Variants in NLGN4X observed in about 807,000 individuals in gnomAD.
The protein encoded by NLGN4X is neuroligin-4, X-linked.
A neutral mutation model predicts 40.3 loss-of-function variants in NLGN4X; 3 were observed. The observed-to-expected ratio is 0.07, with a 90% CI of 0.03 to 0.19. The LOEUF is 0.19. Among genes scored for constraint, NLGN4X ranks in the 10% least tolerant of loss-of-function variants. The pLI, the probability that NLGN4X is intolerant of heterozygous loss-of-function variation, is 1.00. For missense variants in NLGN4X, 382 were observed against 708.3 expected (o/e 0.54, Z 5.23); for synonymous variants, 270 against 306.8 (o/e 0.88, Z 1.25).
chrX:6,040,143 TTG>T (rs1569202166), intron 2 of NLGN4X, among the ~76,000 whole-genome samples: 1 of 111,096 alleles, frequency 9.0e-6, no homozygotes, highest in Non-Finnish European at 1.9e-5. Context: ...TCTCACTATG[TTG>T]TGCAGGCTAG....
chrX:6,225,442 A>G (rs140118250), intron 1 of NLGN4X, among the ~76,000 whole-genome samples: 1,496 of 109,509 alleles, frequency 0.014, 28 homozygotes, highest in African/African-American at 0.047. Context: ...TCCCCTAGGA[A>G]AAGGCTCAGT....
At chrX:6,119,860 A>T (rs2039383113) in intron 2 of NLGN4X, among the ~76,000 whole-genome samples, 1 of 111,535 alleles carries the variant, frequency 9.0e-6, no homozygotes, top group African/African-American at 3.3e-5. Context: ...GAATTAAGGT[A>T]CCATTATATT....
chrX:5,933,443 G>A (rs2033625637), intron 3 of NLGN4X, among the ~76,000 whole-genome samples: 1 of 111,599 alleles, frequency 9.0e-6, no homozygotes. Flanking sequence ...TCCCAGATCT[G>A]TCAATGAATT....
At chrX:6,163,154 T>C (rs1335116122) in intron 1 of NLGN4X, among the ~76,000 whole-genome samples, 1 of 112,188 alleles carries the variant, frequency 8.9e-6, no homozygotes, top group Non-Finnish European at 1.9e-5. Context: ...CCCAACCACA[T>C]GGAACTGTGA....
chrX:6,003,742 G>A (rs2036031009), intron 3 of NLGN4X, among the ~76,000 whole-genome samples: 2 of 111,685 alleles, frequency 1.8e-5, no homozygotes, highest in Non-Finnish European at 3.8e-5. Context: ...CCATGAGTGT[G>A]GGTGCAAAAG....
intron 2 of NLGN4X, among the ~76,000 whole-genome samples, chrX:6,118,772 C>T (rs2039356429): frequency 9.0e-6 from 1 of 111,486 alleles, no homozygotes; most frequent in Non-Finnish European, 1.9e-5. Flanking sequence ...ATATTCATCA[C>T]GGAAAAGCTA....
intron 1 of NLGN4X, among the ~76,000 whole-genome samples, chrX:6,188,523 CCTT>C (rs1272827950): frequency 1.8e-5 from 2 of 110,327 alleles, no homozygotes; most frequent in African/African-American, 3.3e-5. Context: ...CAAATACTGT[CCTT>C]TTTTTTTTTT....
intron 1 of NLGN4X, among the ~76,000 whole-genome samples, chrX:6,160,409 T>C (rs1220723433): frequency 1.8e-5 from 2 of 112,008 alleles, no homozygotes; most frequent in Non-Finnish European, 3.8e-5. Context: ...ACTGACTTTT[T>C]CCCAGAATTC....
At chrX:6,215,894 TGAGA>T (rs1224820634) in intron 1 of NLGN4X, among the ~76,000 whole-genome samples, 44 of 71,472 alleles carry the variant, frequency 6.2e-4, no homozygotes, top group African/African-American at 1.4e-3. Flanking sequence ...TTTTTTTTTT[TGAGA>T]GAGAGTCTTG....
intron 3 of NLGN4X, among the ~76,000 whole-genome samples, chrX:6,016,685 T>C (rs937326717): frequency 8.9e-6 from 1 of 111,860 alleles, no homozygotes; most frequent in African/African-American, 3.3e-5. Flanking sequence ...CATGGCACAA[T>C]TATTGAGAAC....
At chrX:6,102,677 C>CATACAT (rs1224051562) in intron 2 of NLGN4X, among the ~76,000 whole-genome samples, 176 of 64,668 alleles carry the variant, frequency 2.7e-3, no homozygotes, top group African/African-American at 9.7e-3. Context: ...CATACATAGA[C>CATACAT]AGATAGATAC....
chrX:5,941,131 C>CAA (rs5901305), intron 3 of NLGN4X, among the ~76,000 whole-genome samples: 2 of 50,784 alleles, frequency 3.9e-5, no homozygotes, highest in Admixed American at 2.5e-4. Flanking sequence ...CTCCCTCCTA[C>CAA]AAAAAAAAAA....
At chrX:6,012,080 T>C (rs1229354929) in intron 3 of NLGN4X, among the ~76,000 whole-genome samples, 2 of 112,508 alleles carry the variant, frequency 1.8e-5, no homozygotes, top group South Asian at 7.4e-4. Context: ...CATGCCCAAA[T>C]TGCAATTCCA....
intron 2 of NLGN4X, among the ~76,000 whole-genome samples, chrX:6,133,071 T>A (rs915509497): frequency 9.0e-6 from 1 of 111,370 alleles, no homozygotes; most frequent in African/African-American, 3.3e-5. Flanking sequence ...TAAATTATCA[T>A]CACAATAATT....
intron 1 of NLGN4X, among the ~76,000 whole-genome samples, chrX:6,160,698 T>C (rs1189064300): frequency 9.2e-6 from 1 of 108,805 alleles, no homozygotes; most frequent in Non-Finnish European, 1.9e-5. Flanking sequence ...ATTTTTTGTA[T>C]TTTTAGTAGA....
At chrX:5,918,726 A>G (rs780657408) in intron 3 of NLGN4X, among the ~76,000 whole-genome samples, 46 of 112,072 alleles carry the variant, frequency 4.1e-4, no homozygotes, top group Non-Finnish European at 7.9e-4. Context: ...AGATAGCTAC[A>G]TCCTAATTCT....
chrX:5,973,904 G>A (rs1321154707), intron 3 of NLGN4X, among the ~76,000 whole-genome samples: 2 of 112,320 alleles, frequency 1.8e-5, no homozygotes, highest in Non-Finnish European at 3.8e-5. Context: ...CAATCTTCGT[G>A]TCCAACCATG....
chrX:6,149,426 C>T (rs986101948), intron 2 of NLGN4X, among the ~76,000 whole-genome samples: 1 of 111,911 alleles, frequency 8.9e-6, no homozygotes. Flanking sequence ...TTTTTGTCTT[C>T]CTTTCTTTTT....
At chrX:6,156,777 G>A (rs1317092355) in intron 1 of NLGN4X, among the ~76,000 whole-genome samples, 2 of 108,665 alleles carry the variant, frequency 1.8e-5, no homozygotes, top group Non-Finnish European at 3.8e-5. Context: ...CTGTGTGGCA[G>A]AATCAACTGT....
Sources: allele counts gnomAD v4.1 joint callset (sites outside exome capture counted in the v4.1 genomes callset), GRCh38; gene constraint gnomAD v4.1.1; transcripts MANE v1.5; gene names NCBI Gene and HGNC (gene_info 2026-07-23, HGNC 2026-07-21).